TRPM3: variants seen among roughly 807,000 people sequenced by gnomAD.
TRPM3 encodes the protein transient receptor potential cation channel subfamily M member 3.
TRPM3 carries 77 observed loss-of-function variants against 181.2 expected under a neutral mutation model. The ratio of observed to expected loss-of-function variants is 0.42; its 90% confidence interval spans 0.35 to 0.51. The LOEUF is 0.51. Ranked by LOEUF, TRPM3 falls within the 20% of genes least tolerant of loss-of-function variation. The pLI, the probability that TRPM3 is intolerant of heterozygous loss-of-function variation, is 0.01. For missense variants in TRPM3, 1,759 were observed against 2,196.7 expected, an observed-to-expected ratio of 0.80 and a Z score of 3.98; for synonymous variants, 745 against 796.4, an observed-to-expected ratio of 0.94 and a Z score of 1.09.
intron 1 of TRPM3, among the ~76,000 whole-genome samples, chr9:71,266,478 T>C (rs941395172): frequency 2.6e-5 from 4 of 152,172 alleles, no homozygotes; most frequent in Non-Finnish European, 4.4e-5. Flanking sequence ...TGTCCAGTAA[T>C]CCTTCCAAGA....
At chr9:70,871,786 A>G (rs1166892878) in intron 1 of TRPM3, among the ~76,000 whole-genome samples, 1 of 152,050 alleles carries the variant, frequency 6.6e-6, no homozygotes, top group East Asian at 1.9e-4. Flanking sequence ...AATACTAACA[A>G]GAGAAAACCA....
intron 1 of TRPM3, among the ~76,000 whole-genome samples, chr9:71,351,946 G>C (rs1403167326): frequency 1.3e-5 from 2 of 150,200 alleles, no homozygotes; most frequent in Non-Finnish European, 3.0e-5. Flanking sequence ...CGTGATCTTG[G>C]CTCACTGCAA....
rs2094302299 is a variant in TRPM3 at position 70,836,083 on chromosome 9, G to C, written c.801+6920C>G. 4.6e-5 allele frequency among the ~76,000 whole-genome samples: 7 copies of C among 152,146 alleles called. No homozygotes were observed. The South Asian group carries it at 1.5e-3, about 32-fold the overall frequency. ...TGTTGGGGCTATTATTATTATTTCAGTGATAAATGATAAACCTCCAGGTTA... is the reference window on the plus strand; with the variant it reads ...TGTTGGGGCTATTATTATTATTTCACTGATAAATGATAAACCTCCAGGTTA... On this transcript the variant is annotated intron_variant, in intron 5 of 25. Transcript: ENST00000677713.
chr9:70,588,566 C>A (rs1238395308), intron 22 of TRPM3, among the ~76,000 whole-genome samples: 1 of 152,084 alleles, frequency 6.6e-6, no homozygotes, highest in Non-Finnish European at 1.5e-5. Flanking sequence ...AAGGCCCGCA[C>A]GGGGTACACC....
intron 1 of TRPM3, among the ~76,000 whole-genome samples, chr9:70,973,897 A>G (rs1014058708): frequency 1.3e-5 from 2 of 152,258 alleles, no homozygotes; most frequent in Non-Finnish European, 2.9e-5. Flanking sequence ...ACCAACAGAC[A>G]GAGGGTATTC....
At chr9:71,150,615 A>G (rs1367018763) in intron 1 of TRPM3, among the ~76,000 whole-genome samples, 1 of 152,174 alleles carries the variant, frequency 6.6e-6, no homozygotes, top group East Asian at 1.9e-4. Flanking sequence ...ATTTATATGA[A>G]GTCAGTATAA....
intron 1 of TRPM3, among the ~76,000 whole-genome samples, chr9:71,284,136 A>C (rs1306648681): frequency 6.6e-6 from 1 of 152,166 alleles, no homozygotes; most frequent in Non-Finnish European, 1.5e-5. Context: ...AGGATAAAGG[A>C]AATAATATAT....
intron 1 of TRPM3, among the ~76,000 whole-genome samples, chr9:71,180,319 G>A (rs978214579): frequency 6.6e-5 from 10 of 151,860 alleles, no homozygotes; most frequent in African/African-American, 2.4e-4. Flanking sequence ...CCTCCCAAAG[G>A]GCTGTGATTA....
intron 1 of TRPM3, among the ~76,000 whole-genome samples, chr9:71,288,542 C>A (rs1229361595): frequency 6.6e-6 from 1 of 152,080 alleles, no homozygotes; most frequent in African/African-American, 2.4e-5. Context: ...AAAAACCACA[C>A]AAACACACAT....
rs1564167664 is a variant in TRPM3 at position 70,532,958 on chromosome 9, CACAT to C, written c.*2991_*2994del. ...GAAGGAAATGGACTGAAAAATAACA[CACAT>C]ACATGTGCACAGGAAGGAAATGGCT... On this transcript the variant is annotated 3_prime_UTR_variant, in exon 26 of 26. Coordinates refer to ENST00000677713, the MANE Select transcript of TRPM3 (RefSeq NM_001366145.2). The C allele has an allele frequency of 6.6e-6, 1 of 152,184 alleles. No individual in the cohort carries two copies. Among genetic ancestry groups the C allele is most frequent in the African/African-American group, 2.4e-5 (1 of 41,436 alleles). 9.4% of individuals were successfully genotyped at this position (152,184 alleles called of 1,614,324 possible). A position where few individuals can be genotyped will look rare whatever the true frequency, so the allele number is the denominator to read the frequency against.
chr9:71,103,953 T>C (rs541002933), intron 1 of TRPM3, among the ~76,000 whole-genome samples: 124 of 152,188 alleles, frequency 8.1e-4, no homozygotes, highest in Non-Finnish European at 1.1e-3. Context: ...CTCGTTTTGT[T>C]GCCCAGAATG....
intron 1 of TRPM3, among the ~76,000 whole-genome samples, chr9:70,877,925 A>T: frequency 6.6e-6 from 1 of 151,926 alleles, no homozygotes; most frequent in East Asian, 1.9e-4. Flanking sequence ...ATTATATACT[A>T]TTGTACTAGT....
chr9:71,267,136 C>G (rs192014430), intron 1 of TRPM3, among the ~76,000 whole-genome samples: 1 of 152,088 alleles, frequency 6.6e-6, no homozygotes, highest in Non-Finnish European at 1.5e-5. Context: ...CCTCCTGCCC[C>G]CTTCCTATCT....
chr9:71,191,021 A>C (rs2077989564), intron 1 of TRPM3, among the ~76,000 whole-genome samples: 1 of 151,884 alleles, frequency 6.6e-6, no homozygotes, highest in African/African-American at 2.4e-5. Context: ...TTAATAGTTT[A>C]GACATATTTT....
intron 1 of TRPM3, among the ~76,000 whole-genome samples, chr9:71,206,767 G>A (rs919858820): frequency 6.6e-6 from 1 of 152,000 alleles, no homozygotes; most frequent in Non-Finnish European, 1.5e-5. Context: ...TTTGCATAAG[G>A]AGTAAGGAAG....
chr9:70,801,278 C>A (rs924184609), intron 6 of TRPM3, among the ~76,000 whole-genome samples: 1 of 152,154 alleles, frequency 6.6e-6, no homozygotes, highest in African/African-American at 2.4e-5. Flanking sequence ...TTATTCATTG[C>A]TTCTTGTCTT....
chr9:71,264,893 A>C (rs1232336636), intron 1 of TRPM3, among the ~76,000 whole-genome samples: 3 of 152,210 alleles, frequency 2.0e-5, no homozygotes, highest in Non-Finnish European at 2.9e-5. Flanking sequence ...TAAAATATAT[A>C]TTTTAAATCT....
chr9:70,922,171 C>A (rs537596024), intron 1 of TRPM3, among the ~76,000 whole-genome samples: 1 of 152,204 alleles, frequency 6.6e-6, no homozygotes, highest in African/African-American at 2.4e-5. Context: ...ATTGAACAAC[C>A]ATTTTTCTGA....
At chr9:70,918,981 T>C (rs923660991) in intron 1 of TRPM3, among the ~76,000 whole-genome samples, 1 of 152,104 alleles carries the variant, frequency 6.6e-6, no homozygotes. Flanking sequence ...AGCAGATAAG[T>C]TTTGCAGAAC....
Sources: allele counts gnomAD v4.1 joint callset (sites outside exome capture counted in the v4.1 genomes callset), GRCh38; gene constraint gnomAD v4.1.1; transcripts MANE v1.5; gene names NCBI Gene and HGNC (gene_info 2026-07-23, HGNC 2026-07-21).